ABCC9: variants seen among roughly 807,000 people sequenced by gnomAD.
The protein encoded by ABCC9 is ATP binding cassette subfamily C member 9, also known as ATP-binding cassette sub-family C member 9.
A neutral mutation model predicts 188.3 loss-of-function variants in ABCC9; 95 were observed. That is an observed-to-expected ratio of 0.50 (90% CI 0.43 to 0.60). ABCC9 has a LOEUF of 0.60. ABCC9 is among the 20% of genes least tolerant of loss of function. The pLI is 0.00. For missense variants in ABCC9, 1,102 were observed against 1,876.3 expected, an observed-to-expected ratio of 0.59 and a Z score of 7.62; for synonymous variants, 659 against 652.7, an observed-to-expected ratio of 1.01 and a Z score of -0.15.
intron 13 of ABCC9, among the ~76,000 whole-genome samples, chr12:21,894,767 T>C (rs1947321111): frequency 6.6e-6 from 1 of 152,182 alleles, no homozygotes; most frequent in Admixed American, 6.5e-5. Flanking sequence ...TGCGCCATCA[T>C]GCTCAGCTAA....
chr12:21,895,018 C>G (rs1028502373), intron 13 of ABCC9, among the ~76,000 whole-genome samples: 1 of 152,116 alleles, frequency 6.6e-6, no homozygotes, highest in African/African-American at 2.4e-5. Flanking sequence ...GCTACTGGCA[C>G]CTGGTAGCTA....
intron 14 of ABCC9, among the ~76,000 whole-genome samples, chr12:21,890,194 T>G (rs572963664): frequency 6.6e-6 from 1 of 152,214 alleles, no homozygotes; most frequent in African/African-American, 2.4e-5. Context: ...AAGGGTGAAG[T>G]AATTTCCACC....
At chr12:21,918,040 AAC>A (rs200355876) in intron 5 of ABCC9, among the ~76,000 whole-genome samples, 72 of 148,914 alleles carry the variant, frequency 4.8e-4, no homozygotes, top group African/African-American at 1.6e-3. Context: ...TAAAAAAAAA[AAC>A]AGACCAAATT....
In ABCC9 at chr12:21,859,675, G is replaced by A. The variant is rs1395044478; in HGVS notation, c.2425-9C>T. On this transcript the variant is annotated splice_polypyrimidine_tract_variant and intron_variant, in intron 21 of 39. Transcript: ENST00000261200. ...CCACTCAGGTTGATGCCCTAGAGAA[G>A]AGACACCCCCAAATACCCATTTTTT... 2 of 1,612,828 alleles carry A rather than the reference G, an allele frequency of 1.2e-6. No individual in the cohort carries two copies. Among genetic ancestry groups the A allele is most frequent in the East Asian group, 4.5e-5 (2 of 44,862 alleles).
At chr12:21,901,096 AGG>A (rs1368366214) in intron 12 of ABCC9, among the ~76,000 whole-genome samples, 2 of 65,554 alleles carry the variant, frequency 3.1e-5, no homozygotes, top group East Asian at 6.0e-4. Context: ...TCAGACTAAC[AGG>A]GGATCTCTCG....
At chr12:21,895,177 G>A in intron 13 of ABCC9, 98 bp downstream of exon 13, 1 of 1,065,794 alleles carries the variant, frequency 9.4e-7, no homozygotes. Context: ...AGTCACAGAG[G>A]TGAGGTAATA....
intron 31 of ABCC9, among the ~76,000 whole-genome samples, chr12:21,822,738 C>T (rs1565702041): frequency 1.4e-5 from 2 of 144,744 alleles, no homozygotes; most frequent in African/African-American, 2.6e-5. Flanking sequence ...TTGCAGTAAG[C>T]TGAGATCATG....
chr12:21,842,559 G>T, intron 28 of ABCC9, 88 bp from the exon 29 acceptor site: 1 of 1,332,100 alleles, frequency 7.5e-7, no homozygotes, highest in Non-Finnish European at 1.1e-6. Context: ...TATGTTGATA[G>T]TTACACAGTT....
intron 5 of ABCC9, chr12:21,923,410 C>A (rs1230609503): frequency 6.5e-6 from 1 of 152,856 alleles, no homozygotes. Flanking sequence ...ATACTAATAT[C>A]TAGTATGCAC....
At chr12:21,808,640 C>T (rs559947852) in intron 37 of ABCC9, among the ~76,000 whole-genome samples, 2 of 152,046 alleles carry the variant, frequency 1.3e-5, no homozygotes, top group East Asian at 3.9e-4. Flanking sequence ...CATAGTGGGG[C>T]ACCTATAGTC....
rs571454148 is a variant in ABCC9 at position 21,880,166 on chromosome 12, T to C, written c.2019+2600A>G. 7.4e-4 allele frequency among the ~76,000 whole-genome samples: 112 copies of C among 152,086 alleles called. 1 individual carries two copies. Among genetic ancestry groups the C allele is most frequent in the Non-Finnish European group, 1.5e-3 (101 of 67,996 alleles). Reference sequence around the variant, plus strand: ...ACTAAATGTACTACTGCTACATTTATGATTTACTAATAAATTATTCATCCC... The same window carrying C: ...ACTAAATGTACTACTGCTACATTTACGATTTACTAATAAATTATTCATCCC... On this transcript the variant is annotated intron_variant, in intron 16 of 39. Transcript: ENST00000261200.
At chr12:21,814,056 G>T (rs1204573439) in intron 35 of ABCC9, among the ~76,000 whole-genome samples, 1 of 152,064 alleles carries the variant, frequency 6.6e-6, no homozygotes, top group Non-Finnish European at 1.5e-5. Context: ...AAAAGATTAA[G>T]TTATTTCTAC....
At position 21,913,081 on chromosome 12, in the gene ABCC9, A is replaced by G; in HGVS notation, c.817-15T>C. The G allele has an allele frequency of 6.3e-7, 1 of 1,594,232 alleles. No homozygotes were observed. The highest frequency in any genetic ancestry group is 8.5e-7 in the Non-Finnish European group (1 of 1,173,316). On this transcript the variant is annotated splice_polypyrimidine_tract_variant and intron_variant, in intron 7 of 39. Transcript: ENST00000261200. ...GCAACTTTTTTCTGAAGAAAAAAAA[A>G]AGAAAAAAAAAACAGATGTAACAAA...
chr12:21,852,062 T>C (rs1555189141), intron 24 of ABCC9, 35 bp downstream of exon 24: 2 of 1,612,464 alleles, frequency 1.2e-6, no homozygotes, highest in Non-Finnish European at 1.7e-6. Flanking sequence ...TCTTCTGAAT[T>C]GGGCTCTGAA....
At chr12:21,939,321 C>T (rs1441629596) in intron 2 of ABCC9, among the ~76,000 whole-genome samples, 1 of 152,170 alleles carries the variant, frequency 6.6e-6, no homozygotes, top group African/African-American at 2.4e-5. Flanking sequence ...TATCCAACAT[C>T]CAGAGTCCAT....
intron 12 of ABCC9, among the ~76,000 whole-genome samples, chr12:21,898,061 C>T (rs368876310): frequency 5.3e-5 from 8 of 152,082 alleles, no homozygotes; most frequent in Non-Finnish European, 7.4e-5. Context: ...CACCACTTTG[C>T]GAGGCGGAAG....
Position 21,817,212 on chromosome 12 carries a change from C to T in ABCC9, c.3867G>A (p.Glu1289=). 2 of 1,613,834 alleles carry T rather than the reference C, an allele frequency of 1.2e-6. No homozygotes were observed. The highest frequency in any genetic ancestry group is 1.7e-6 in the Non-Finnish European group (2 of 1,179,842). ...CCATTGTGCCTTCATAGTTCTCTGA[C>T]TCCATAGTCAGGAAACTGTTCACCT... The part of the protein sequence containing the change: ...VKKVNSFLTM[E]SENYEGTMDP... The change falls in exon 33 of 40, where the codon GAG becomes GAA. Residue 1289 remains glutamate, a synonymous_variant. Transcript: ENST00000261200.
At chr12:21,849,957 A>G (rs1944876693) in intron 24 of ABCC9, among the ~76,000 whole-genome samples, 1 of 151,840 alleles carries the variant, frequency 6.6e-6, no homozygotes, top group African/African-American at 2.4e-5. Context: ...TTACCCCTTG[A>G]TCCTTAAACT....
intron 17 of ABCC9, among the ~76,000 whole-genome samples, chr12:21,874,472 T>G (rs896538799): frequency 6.6e-6 from 1 of 152,106 alleles, no homozygotes; most frequent in African/African-American, 2.4e-5. Flanking sequence ...AAACTAAAAA[T>G]AGAATTGCCA....
Sources: allele counts gnomAD v4.1 joint callset (sites outside exome capture counted in the v4.1 genomes callset), GRCh38; gene constraint gnomAD v4.1.1; transcripts MANE v1.5; gene names NCBI Gene and HGNC (gene_info 2026-07-23, HGNC 2026-07-21).